Variants in GABRB1 observed in about 807,000 individuals in gnomAD.
GABRB1 encodes the protein gamma-aminobutyric acid type A receptor subunit beta1, also known as gamma-aminobutyric acid receptor subunit beta-1.
Under a neutral mutation model 51.6 loss-of-function variants are expected in GABRB1, and 17 were observed. That is an observed-to-expected ratio of 0.33 (90% confidence interval 0.23 to 0.49). The LOEUF (loss-of-function observed/expected upper bound fraction) is 0.49. Ranked by LOEUF, GABRB1 falls within the 20% of genes least tolerant of loss-of-function variation. The pLI is 0.99. For missense variants in GABRB1, 410 were observed against 600.6 expected (o/e 0.68, Z 3.32); for synonymous variants, 247 against 218.9 (o/e 1.13, Z -1.14).
At chr4:47,008,071 T>C (rs1577819791) in intron 1 of GABRB1, among the ~76,000 whole-genome samples, 1 of 151,718 alleles carries the variant, frequency 6.6e-6, no homozygotes, top group African/African-American at 2.4e-5. Flanking sequence ...ATAGTGGCAG[T>C]GGAGATAGAA....
At chr4:47,260,263 G>A (rs1413405880) in intron 4 of GABRB1, among the ~76,000 whole-genome samples, 3 of 151,340 alleles carry the variant, frequency 2.0e-5, no homozygotes, top group East Asian at 3.9e-4. Context: ...ACACTGATGG[G>A]TCTTGACTCT....
chr4:47,350,388 G>A (rs1345536140), intron 5 of GABRB1, among the ~76,000 whole-genome samples: 1 of 151,050 alleles, frequency 6.6e-6, no homozygotes, highest in East Asian at 1.9e-4. Context: ...AAGCTAGCAA[G>A]CACTACTAAC....
chr4:47,112,755 A>AT (rs1434197762), intron 3 of GABRB1, among the ~76,000 whole-genome samples: 1 of 145,474 alleles, frequency 6.9e-6, no homozygotes, highest in Non-Finnish European at 1.5e-5. Flanking sequence ...CAGTGAAATA[A>AT]AAAAAAAAAA....
At chr4:47,408,994 A>G (rs532748141) in intron 8 of GABRB1, among the ~76,000 whole-genome samples, 7 of 152,336 alleles carry the variant, frequency 4.6e-5, no homozygotes, top group African/African-American at 1.4e-4. Flanking sequence ...CTAAAAAACA[A>G]TGTTCTCTAG....
intron 4 of GABRB1, among the ~76,000 whole-genome samples, chr4:47,243,586 T>C (rs1013784633): frequency 3.9e-5 from 6 of 152,236 alleles, no homozygotes; most frequent in African/African-American, 1.2e-4. Context: ...GTAGTTCTCC[T>C]TGGAGAGGTC....
intron 5 of GABRB1, among the ~76,000 whole-genome samples, chr4:47,320,753 GTTTTC>G (rs1329261764): frequency 7.1e-6 from 1 of 140,594 alleles, no homozygotes; most frequent in Non-Finnish European, 1.5e-5. Context: ...TTCACTGATT[GTTTTC>G]TTTTCTTTTT....
intron 3 of GABRB1, among the ~76,000 whole-genome samples, chr4:47,148,068 CTTA>C (rs1717256581): frequency 6.6e-6 from 1 of 151,916 alleles, no homozygotes; most frequent in African/African-American, 2.4e-5. Flanking sequence ...TACTTAGGAG[CTTA>C]TTATAGTAAA....
At position 47,254,361 on chromosome 4, in the gene GABRB1, G is replaced by GGTTTTTTTTTTTTTTTTTTTTTTTT. The variant is rs1305298443; in HGVS notation, c.462-65766_462-65765insGTTTTTTTTTTTTTTTTTTTTTTTT. Among the ~76,000 whole-genome samples, 8 of 80,966 alleles carry GGTTTTTTTTTTTTTTTTTTTTTTTT rather than the reference G, an allele frequency of 9.9e-5. 2 individuals are homozygous for GGTTTTTTTTTTTTTTTTTTTTTTTT. The highest frequency in any genetic ancestry group is 2.6e-4 in the African/African-American group (5 of 19,264). 53.1% of individuals were successfully genotyped at this position (80,966 alleles called of 152,430 possible). A position where few individuals can be genotyped will look rare whatever the true frequency, so the allele number is the denominator to read the frequency against. ...ATGGTGGATGATGTTTCTTTTCTTT[G>GGTTTTTTTTTTTTTTTTTTTTTTTT]TTTTTTTTTTTTTTTTTTTTTTTTT... On this transcript the variant is annotated intron_variant, in intron 4 of 8. Transcript: ENST00000295454.
At chr4:47,284,207 CT>C (rs1363878820) in intron 4 of GABRB1, among the ~76,000 whole-genome samples, 1 of 151,730 alleles carries the variant, frequency 6.6e-6, no homozygotes. Context: ...GATTGACAGG[CT>C]TTTGGCTGAG....
intron 4 of GABRB1, among the ~76,000 whole-genome samples, chr4:47,299,561 A>G (rs1724161246): frequency 1.3e-5 from 2 of 152,180 alleles, no homozygotes; most frequent in Non-Finnish European, 1.5e-5. Flanking sequence ...CACCAGTTAG[A>G]ATGACCATCA....
At chr4:47,086,325 T>G (rs1045843448) in intron 3 of GABRB1, among the ~76,000 whole-genome samples, 3 of 152,186 alleles carry the variant, frequency 2.0e-5, no homozygotes, top group African/African-American at 4.8e-5. Flanking sequence ...AATTTCTTAT[T>G]TAAGAGTTTT....
chr4:47,336,016 C>G (rs1011274941), intron 5 of GABRB1, among the ~76,000 whole-genome samples: 7 of 152,160 alleles, frequency 4.6e-5, no homozygotes, highest in Non-Finnish European at 1.0e-4. Flanking sequence ...TTTAGACATT[C>G]AAGATCTACA....
chr4:47,251,687 A>G (rs997260596), intron 4 of GABRB1, among the ~76,000 whole-genome samples: 1 of 152,102 alleles, frequency 6.6e-6, no homozygotes. Context: ...ACAGGAAGCA[A>G]CAGAAAGGCC....
intron 4 of GABRB1, among the ~76,000 whole-genome samples, chr4:47,250,953 C>T (rs1721963157): frequency 6.6e-6 from 1 of 152,030 alleles, no homozygotes; most frequent in African/African-American, 2.4e-5. Flanking sequence ...TCAGGTAAAT[C>T]AGGTATTTCT....
intron 4 of GABRB1, among the ~76,000 whole-genome samples, chr4:47,296,225 A>T (rs1271686659): frequency 2.0e-5 from 3 of 152,222 alleles, no homozygotes; most frequent in South Asian, 2.1e-4. Context: ...ACCAGCTAAC[A>T]TCATAATGAC....
intron 4 of GABRB1, among the ~76,000 whole-genome samples, chr4:47,295,705 A>C (rs143155120): frequency 1.1e-4 from 16 of 152,336 alleles, no homozygotes; most frequent in African/African-American, 3.6e-4. Context: ...TCCAGGAGAA[A>C]GTCCTCAATC....
In GABRB1 at chr4:47,186,959, G is replaced by A. The variant is rs190927964; in HGVS notation, c.461+25490G>A. On this transcript the variant is annotated intron_variant, in intron 4 of 8. Transcript: ENST00000295454. ...TACATTCCTCCAGAAATCCCTATGA[G>A]GTAAACTAGTGTTCCTATTTTAAAT... Among the ~76,000 whole-genome samples, 110 of 151,986 alleles carry A rather than the reference G, an allele frequency of 7.2e-4. 1 individual carries two copies. The highest frequency in any genetic ancestry group is 1.2e-3 in the Admixed American group (18 of 15,228).
intron 3 of GABRB1, among the ~76,000 whole-genome samples, chr4:47,053,001 G>A (rs1040641015): frequency 3.3e-5 from 5 of 152,196 alleles, no homozygotes; most frequent in Non-Finnish European, 5.9e-5. Context: ...CTGAGACACT[G>A]AGATGAATAT....
At chr4:47,094,001 G>C (rs901220862) in intron 3 of GABRB1, among the ~76,000 whole-genome samples, 2 of 151,686 alleles carry the variant, frequency 1.3e-5, no homozygotes, top group Admixed American at 1.3e-4. Flanking sequence ...TTAGCCCCTA[G>C]TATTCCATAA....
Sources: gnomAD v4.1 joint callset for allele counts (sites outside exome capture counted in the v4.1 genomes callset) on GRCh38, gnomAD v4.1.1 for gene constraint, MANE v1.5 for transcripts, NCBI Gene and HGNC (gene_info 2026-07-23, HGNC 2026-07-21) for gene names.